The following PACSIN1 variants were observed in gnomAD, a reference collection of about 807,000 sequenced individuals.
PACSIN1 encodes the protein protein kinase C and casein kinase substrate in neurons protein 1.
A neutral mutation model predicts 59.5 loss-of-function variants in PACSIN1; 15 were observed. The ratio of observed to expected loss-of-function variants is 0.25; its 90% CI spans 0.17 to 0.39. The LOEUF is 0.39. Ranked by LOEUF, PACSIN1 falls within the 10% of genes least tolerant of loss-of-function variation. PACSIN1 has a pLI of 1.00. For synonymous variants in PACSIN1, 210 were observed against 220.6 expected (o/e 0.95, Z 0.42); for missense variants, 420 against 580.2 (o/e 0.72, Z 2.84).
At position 34,520,927 on chromosome 6, in the gene PACSIN1, G is replaced by A. The variant is rs540015121; in HGVS notation, c.-63-5316G>A. Among the ~76,000 whole-genome samples the A allele has an allele frequency of 3.3e-5, 5 of 152,274 alleles. No individual in the cohort carries two copies. In the East Asian group the frequency reaches 5.8e-4, roughly 18 times the overall value. ...TCATCATCGTCAACATTGGCTGGGC[G>A]CCCACTGTGTGCAGGTAACTGTGTC... On this transcript the variant is annotated intron_variant, in intron 1 of 9. Coordinates refer to ENST00000244458, the MANE Select transcript of PACSIN1 (RefSeq NM_020804.5).
intron 1 of PACSIN1, among the ~76,000 whole-genome samples, chr6:34,483,001 CTTTTTTT>C (rs34111587): frequency 4.5e-5 from 5 of 112,012 alleles, no homozygotes; most frequent in Middle Eastern, 6.9e-3. Context: ...CCATGTTTAA[CTTTTTTT>C]TTTTTTTTTT....
intron 1 of PACSIN1, among the ~76,000 whole-genome samples, chr6:34,474,195 T>G (rs1444463877): frequency 6.6e-6 from 1 of 152,216 alleles, no homozygotes; most frequent in African/African-American, 2.4e-5. Context: ...TATGTTCTTC[T>G]GTCCTCTCTG....
At chr6:34,467,717 C>G (rs1274445531) in intron 1 of PACSIN1, among the ~76,000 whole-genome samples, 1 of 152,100 alleles carries the variant, frequency 6.6e-6, no homozygotes, top group Non-Finnish European at 1.5e-5. Flanking sequence ...CACCACCACA[C>G]CCGGCTAATT....
chr6:34,531,188 T>C lies in PACSIN1; in HGVS notation c.1038-412T>C, dbSNP rs1287007312. Among the ~76,000 whole-genome samples, 1 of 152,232 alleles carries C rather than the reference T, an allele frequency of 6.6e-6. No homozygotes were observed. Among genetic ancestry groups the C allele is most frequent in the Non-Finnish European group, 1.5e-5 (1 of 68,042 alleles). On this transcript the variant is annotated intron_variant, in intron 8 of 9. Coordinates refer to ENST00000244458, the MANE Select transcript of PACSIN1 (RefSeq NM_020804.5). The surrounding 1 kb of genome is among the most constrained non-coding windows in gnomAD (Gnocchi z 4.4). ...GTTAACTCATTCATGCTCAAGTGCGTAAATATTACCATTTTACAGATGGAG... is the reference window on the plus strand; with the variant it reads ...GTTAACTCATTCATGCTCAAGTGCGCAAATATTACCATTTTACAGATGGAG...
chr6:34,475,829 T>C (rs1027215722), intron 1 of PACSIN1, among the ~76,000 whole-genome samples: 1 of 152,164 alleles, frequency 6.6e-6, no homozygotes, highest in Non-Finnish European at 1.5e-5. Flanking sequence ...TTAATGATAA[T>C]TATTCCCATT....
intron 4 of PACSIN1, 21 bp downstream of exon 4, chr6:34,528,898 C>CCGG: frequency 1.3e-5 from 4 of 298,362 alleles, no homozygotes; most frequent in Admixed American, 4.3e-5. Flanking sequence ...GGTGCTGCCA[C>CCGG]GGGCGGGGTG....
chr6:34,510,609 A>G (rs1334849023), intron 1 of PACSIN1, among the ~76,000 whole-genome samples: 1 of 151,984 alleles, frequency 6.6e-6, no homozygotes, highest in African/African-American at 2.4e-5. Flanking sequence ...AAATCATCAC[A>G]TACCTCCCTT....
In PACSIN1 at chr6:34,532,432, A is replaced by AC; in HGVS notation, c.1239dup (p.Lys414GlnfsTer7). The AC allele has an allele frequency of 6.4e-7, 1 of 1,569,900 alleles. No homozygotes were observed. The highest frequency in any genetic ancestry group is 8.6e-7 in the Non-Finnish European group (1 of 1,157,016). On this transcript the variant is annotated frameshift_variant, in exon 10 of 10. Transcript: ENST00000244458. LOFTEE classifies it high-confidence loss of function. This position sits in a 1 kb window ranked among gnomAD's most constrained non-coding sequence, Gnocchi z 5.2. ...GTTCTCTTTCCCAGGAGACGAACTC[A>AC]CCAAGCTGGGCGAGGAGGATGAGCA...
chr6:34,493,728 A>G (rs975363853), intron 1 of PACSIN1, among the ~76,000 whole-genome samples: 19 of 151,060 alleles, frequency 1.3e-4, no homozygotes, highest in African/African-American at 4.6e-4. Context: ...TGATTCTAAT[A>G]CCAAGGGTCT....
rs115980554 is a variant in PACSIN1, at chr6:34,488,855, C to T, written c.-64+22585C>T. On this transcript the variant is annotated intron_variant, in intron 1 of 9. Transcript: ENST00000244458. The surrounding 1 kb of genome is among the most constrained non-coding windows in gnomAD (Gnocchi z 4.7). ...GATTACAGGCGTGAGCCACCTCACC[C>T]GGCCTATTATTTTTTAAAGTGACAA... Among the ~76,000 whole-genome samples the T allele has an allele frequency of 0.072, 11,002 of 152,104 alleles. 418 individuals are homozygous for T. The highest frequency in any genetic ancestry group is 0.098 in the African/African-American group (4,059 of 41,490).
chr6:34,507,950 T>C (rs1767138894), intron 1 of PACSIN1, among the ~76,000 whole-genome samples: 1 of 152,220 alleles, frequency 6.6e-6, no homozygotes, highest in Non-Finnish European at 1.5e-5. Flanking sequence ...CATTCATCCA[T>C]TGATGGATAT....
Position 34,530,009 on chromosome 6 carries a change from G to A in PACSIN1, c.788+168G>A, listed in dbSNP as rs1561971896. Reference sequence around the variant, plus strand: ...CAGGGGCTGTTGAGTGCAAGCTGACGCACACTGGGTACTCTAGAAACACAT... The same window carrying A: ...CAGGGGCTGTTGAGTGCAAGCTGACACACACTGGGTACTCTAGAAACACAT... On this transcript the variant is annotated intron_variant, in intron 6 of 9. Transcript: ENST00000244458. This position sits in a 1 kb window ranked among gnomAD's most constrained non-coding sequence, Gnocchi z 4.4. 6.6e-6 allele frequency among the ~76,000 whole-genome samples: 1 copy of A among 152,148 alleles called. No individual in the cohort carries two copies. Among genetic ancestry groups the A allele is most frequent in the South Asian group, 2.1e-4 (1 of 4,828 alleles).
chr6:34,477,376 G>C (rs1561955480), intron 1 of PACSIN1, among the ~76,000 whole-genome samples: 1 of 151,652 alleles, frequency 6.6e-6, no homozygotes, highest in African/African-American at 2.4e-5. Context: ...AAGAGAAAGA[G>C]AGAAAGAAAG....
At position 34,530,094 on chromosome 6, in the gene PACSIN1, G is replaced by T; in HGVS notation, c.789-149G>T. The T allele has an allele frequency of 8.8e-7, 1 of 1,141,784 alleles. No homozygotes were observed. The highest frequency in any genetic ancestry group is 1.2e-6 in the Non-Finnish European group (1 of 820,226). The allele number at this position is 1,141,784 out of a possible 1,614,324, so 70.7% of individuals were successfully genotyped here. A position where few individuals can be genotyped will look rare whatever the true frequency, so the allele number is the denominator to read the frequency against. ...AAAAGGAGTCCACCGAGCATGCCCG[G>T]AGCTTATTCTTGCAAAGCCCACATG... On this transcript the variant is annotated intron_variant, in intron 6 of 9. Transcript: ENST00000244458. This position sits in a 1 kb window ranked among gnomAD's most constrained non-coding sequence, Gnocchi z 4.4.
chr6:34,534,010 C>G lies in PACSIN1; in HGVS notation c.*1480C>G, dbSNP rs1186419288. On this transcript the variant is annotated 3_prime_UTR_variant, in exon 10 of 10. Transcript: ENST00000244458. ...CCTCTGGGGCAAGGAGCTGAGAAGT[C>G]CTGCAGCACCAGGTGAGACTTGCTT... The G allele has an allele frequency of 6.6e-6, 1 of 152,398 alleles. No homozygotes were observed. The highest frequency in any genetic ancestry group is 1.5e-5 in the Non-Finnish European group (1 of 68,184). 9.4% of individuals were successfully genotyped at this position (152,398 alleles called of 1,614,324 possible).
At chr6:34,483,241 A>G (rs1186035002) in intron 1 of PACSIN1, among the ~76,000 whole-genome samples, 1 of 151,608 alleles carries the variant, frequency 6.6e-6, no homozygotes. Flanking sequence ...CCTGGGCTCA[A>G]GTGATCTGCC....
chr6:34,528,912 T>TGGGCCCCGGGGGGGGGGGGGGGG, intron 4 of PACSIN1, 35 bp downstream of exon 4: 1 of 464,336 alleles, frequency 2.2e-6, no homozygotes, highest in Non-Finnish European at 4.2e-6. Flanking sequence ...CGGGGTGGGG[T>TGGGCCCCGGGGGGGGGGGGGGGG]GGGCCCGTCT....
At chr6:34,527,273 C>T (rs2282251) in intron 2 of PACSIN1, 59 bp from the exon 3 acceptor site, 30,016 of 1,420,810 alleles carry the variant, frequency 0.021, 1,080 homozygotes, top group East Asian at 0.13. Context: ...CTGGATGCGG[C>T]GGGCGGGGCT....
chr6:34,479,197 A>G (rs976600505), intron 1 of PACSIN1, among the ~76,000 whole-genome samples: 2 of 152,160 alleles, frequency 1.3e-5, no homozygotes, highest in African/African-American at 4.8e-5. Context: ...CACTCAAACC[A>G]TAGCAACATT....
Sources: gnomAD v4.1 joint callset for allele counts (sites outside exome capture counted in the v4.1 genomes callset) on GRCh38, gnomAD v4.1.1 for gene constraint, Gnocchi (gnomAD v3.1) non-coding constraint, MANE v1.5 for transcripts, NCBI Gene and HGNC (gene_info 2026-07-23, HGNC 2026-07-21) for gene names.